CFAP47: variants seen among roughly 807,000 people sequenced by gnomAD.
CFAP47 encodes cilia and flagella associated protein 47.
A neutral mutation model predicts 148.1 loss-of-function variants in CFAP47; 29 were observed. That is an observed-to-expected ratio of 0.20 (90% CI 0.15 to 0.27). CFAP47 has a LOEUF of 0.27. Ranked by LOEUF, CFAP47 falls within the 10% of genes least tolerant of loss-of-function variation. The pLI is 1.00. For synonymous variants in CFAP47, 664 were observed against 577.3 expected (o/e 1.15, Z -2.15); for missense variants, 1,872 against 1,697.5 (o/e 1.10, Z -1.81).
At position 36,348,194 on chromosome X, in the gene CFAP47, T is replaced by C; in HGVS notation, c.8509T>C (p.Leu2837=). 2.8e-6 allele frequency: 3 copies of C among 1,057,738 alleles called. No homozygotes were observed. The highest frequency in any genetic ancestry group is 3.7e-6 in the Non-Finnish European group (3 of 811,897). The allele number at this position is 1,057,738 out of a possible 1,213,427, so 87.2% of individuals were successfully genotyped here. The change falls in exon 58 of 64, where the codon TTA becomes CTA. Residue 2837 remains leucine (L), a synonymous_variant. Coordinates refer to ENST00000378653, the MANE Select transcript of CFAP47 (RefSeq NM_001304548.2). ...GTTATTTATACCTCAAATTATGAAA[T>C]TACACAAAACAATGGTTATTATTGA... ...SLLFIPQIMK[L]HKTMVIIEMT...
chrX:35,959,811 G>A (rs1363903853), intron 8 of CFAP47, among the ~76,000 whole-genome samples: 7 of 103,746 alleles, frequency 6.7e-5, no homozygotes, highest in Non-Finnish European at 9.9e-5. Flanking sequence ...CCCAGGAGGC[G>A]GAGGTTGCAG....
At chrX:36,122,392 C>T (rs1601994551) in intron 33 of CFAP47, among the ~76,000 whole-genome samples, 1 of 111,241 alleles carries the variant, frequency 9.0e-6, no homozygotes, top group South Asian at 3.8e-4. Context: ...AATCTTTATA[C>T]CCGTATCTCT....
intron 39 of CFAP47, among the ~76,000 whole-genome samples, chrX:36,175,521 C>A (rs182332456): frequency 0.077 from 8,519 of 110,962 alleles, 281 homozygotes; most frequent in Middle Eastern, 0.14. Flanking sequence ...TCTAACAGAC[C>A]GGACCCTCAG....
chrX:35,942,028 CTGTGTG>C (rs59083788), intron 3 of CFAP47, among the ~76,000 whole-genome samples: 20 of 103,821 alleles, frequency 1.9e-4, no homozygotes, highest in East Asian at 1.9e-3. Flanking sequence ...GTGTGTGTGT[CTGTGTG>C]TGTGTGTGTG....
At chrX:36,310,588 G>A (rs1028058325) in intron 55 of CFAP47, among the ~76,000 whole-genome samples, 4 of 109,847 alleles carry the variant, frequency 3.6e-5, no homozygotes, top group Non-Finnish European at 7.6e-5. Context: ...TATGTGCATT[G>A]AAATATGTTT....
intron 57 of CFAP47, among the ~76,000 whole-genome samples, chrX:36,346,228 T>TG (rs1491241636): frequency 2.6e-4 from 29 of 109,469 alleles, no homozygotes; most frequent in South Asian, 1.2e-3. Context: ...TGTGTGTGTG[T>TG]TTTTTTTTAA....
At chrX:36,231,392 C>G (rs1307618031) in intron 46 of CFAP47, among the ~76,000 whole-genome samples, 2 of 107,260 alleles carry the variant, frequency 1.9e-5, no homozygotes, top group African/African-American at 3.4e-5. Context: ...TGGGAGTTCA[C>G]TCATGATTTG....
intron 1 of CFAP47, among the ~76,000 whole-genome samples, chrX:35,924,111 A>G (rs990340641): frequency 1.2e-4 from 12 of 101,784 alleles, no homozygotes; most frequent in Admixed American, 7.4e-4. Flanking sequence ...GTATATATGT[A>G]CATGTATGCG....
intron 58 of CFAP47, 69 bp from the exon 59 acceptor site, chrX:36,349,969 A>C (rs1941729222): frequency 1.6e-6 from 1 of 642,143 alleles, no homozygotes; most frequent in Non-Finnish European, 2.3e-6. Context: ...AAAGTTAATA[A>C]ATAATAAGCT....
At chrX:36,355,214 G>A (rs1413277240) in intron 60 of CFAP47, among the ~76,000 whole-genome samples, 1 of 109,918 alleles carries the variant, frequency 9.1e-6, no homozygotes, top group Non-Finnish European at 1.9e-5. Flanking sequence ...AAAAAAAAAC[G>A]TGTTGATAAA....
intron 15 of CFAP47, among the ~76,000 whole-genome samples, chrX:35,986,349 T>C (rs1445513835): frequency 1.8e-5 from 2 of 109,287 alleles, no homozygotes; most frequent in African/African-American, 6.7e-5. Context: ...CTTTATTTTA[T>C]TAAGTTGATC....
At chrX:36,168,646 C>T (rs915809247) in intron 39 of CFAP47, among the ~76,000 whole-genome samples, 2 of 111,562 alleles carry the variant, frequency 1.8e-5, no homozygotes, top group East Asian at 5.6e-4. Context: ...AGGCAGGTCT[C>T]GAACTCCTGG....
chrX:36,081,329 G>T (rs1937977899), intron 29 of CFAP47, among the ~76,000 whole-genome samples: 1 of 111,178 alleles, frequency 9.0e-6, no homozygotes, highest in Non-Finnish European at 1.9e-5. Context: ...GATCAATATT[G>T]ATTTCAAAAA....
chrX:35,947,477 C>A (rs1019916224), intron 3 of CFAP47, among the ~76,000 whole-genome samples: 1 of 109,552 alleles, frequency 9.1e-6, no homozygotes, highest in African/African-American at 3.3e-5. Flanking sequence ...TGGCTAATAA[C>A]ATGTGGGTGT....
intron 2 of CFAP47, among the ~76,000 whole-genome samples, chrX:35,931,231 C>A (rs1013393432): frequency 1.5e-4 from 17 of 110,955 alleles, no homozygotes; most frequent in African/African-American, 5.6e-4. Flanking sequence ...TATTTATGAT[C>A]GTTATTCCTT....
At chrX:36,353,829 T>C in intron 60 of CFAP47, 148 bp downstream of exon 60, 2 of 422,024 alleles carry the variant, frequency 4.7e-6, no homozygotes, top group South Asian at 8.9e-5. Flanking sequence ...TTAAGGAGTG[T>C]TCCGTTGTTA....
chrX:36,219,127 A>G (rs1204303409), intron 45 of CFAP47, among the ~76,000 whole-genome samples: 1 of 111,906 alleles, frequency 8.9e-6, no homozygotes, highest in African/African-American at 3.2e-5. Flanking sequence ...ATTAATGAAG[A>G]TTCTCTACAG....
chrX:36,216,953 G>A (rs184564706), intron 45 of CFAP47, among the ~76,000 whole-genome samples: 228 of 98,133 alleles, frequency 2.3e-3, no homozygotes, highest in Admixed American at 3.8e-3. Flanking sequence ...TAATGTATTA[G>A]TTCCGTAAAG....
At chrX:36,235,175 A>G (rs1385741203) in intron 46 of CFAP47, among the ~76,000 whole-genome samples, 3 of 111,623 alleles carry the variant, frequency 2.7e-5, no homozygotes, top group Admixed American at 9.4e-5. Context: ...TTAAGTCTGC[A>G]GAGGTTACTG....
Sources: allele counts gnomAD v4.1 joint callset (sites outside exome capture counted in the v4.1 genomes callset), GRCh38; gene constraint gnomAD v4.1.1; transcripts MANE v1.5; gene names NCBI Gene and HGNC (gene_info 2026-07-23, HGNC 2026-07-21).